Variants in GABRP observed in about 807,000 individuals in gnomAD.
The protein encoded by GABRP is gamma-aminobutyric acid receptor subunit pi.
Under a neutral mutation model 47.8 loss-of-function variants are expected in GABRP, and 52 were observed. The observed-to-expected ratio is 1.09, with a 90% CI of 0.87 to 1.37. GABRP has a LOEUF of 1.37. Ranked by LOEUF, GABRP falls within the 40% of genes most tolerant of loss-of-function variation. GABRP has a pLI of 0.00. For missense variants in GABRP, 525 were observed against 542.8 expected (o/e 0.97, Z 0.33); for synonymous variants, 221 against 205.8 (o/e 1.07, Z -0.63).
At chr5:170,793,100 G>A (rs369405032) in intron 3 of GABRP, among the ~76,000 whole-genome samples, 23 of 152,200 alleles carry the variant, frequency 1.5e-4, no homozygotes, top group African/African-American at 5.3e-4. Context: ...CAGGATGTCC[G>A]GCTAGGCAGG....
intron 6 of GABRP, among the ~76,000 whole-genome samples, chr5:170,798,549 TC>T (rs1165681002): frequency 1.2e-4 from 19 of 152,272 alleles, no homozygotes; most frequent in Middle Eastern, 3.4e-3. Flanking sequence ...ATGCCATCTA[TC>T]TGATTACTAA....
rs146765294 is a variant in GABRP, at chr5:170,789,244, G to T, written c.169G>T (p.Gly57Cys). Residue 57 changes from glycine to cysteine, a missense_variant, in exon 3 of 10, where the codon GGT becomes TGT. Physicochemically the swap from Gly to Cys is radical, Grantham distance 159. Transcript: ENST00000265294. ...GYNKFLRPNF[G>C]GEPVQIALTL... ...TAACAAATTTCTCAGGCCCAATTTT[G>T]GTGGTAGGTCATCCTCTGTGTCCAG... The T allele has an allele frequency of 9.0e-4, 1,434 of 1,600,578 alleles. 3 individuals carry two copies. The highest frequency in any genetic ancestry group is 7.3e-4 in the Non-Finnish European group (857 of 1,167,928).
chr5:170,786,817 G>A (rs1765141317), intron 1 of GABRP, among the ~76,000 whole-genome samples: 1 of 152,088 alleles, frequency 6.6e-6, no homozygotes, highest in South Asian at 2.1e-4. Flanking sequence ...AGTTAAAAAA[G>A]TAAGCCGCAA....
intron 6 of GABRP, among the ~76,000 whole-genome samples, chr5:170,798,791 GT>G (rs1265942233): frequency 1.3e-5 from 2 of 150,804 alleles, no homozygotes; most frequent in Non-Finnish European, 2.9e-5. Flanking sequence ...CATTTTTTTT[GT>G]TTTATATATA....
At chr5:170,809,802 T>G (rs749400280) in intron 9 of GABRP, 47 bp downstream of exon 9, 19 of 1,538,222 alleles carry the variant, frequency 1.2e-5, no homozygotes, top group East Asian at 2.2e-5. Flanking sequence ...TGGTGCCGTG[T>G]GCTGATCTGT....
chr5:170,794,103 G>T, intron 3 of GABRP, 128 bp from the exon 4 acceptor site: 1 of 494,368 alleles, frequency 2.0e-6, no homozygotes, highest in South Asian at 6.3e-5. Flanking sequence ...TATATTTATA[G>T]AATATTTAAA....
Position 170,808,581 on chromosome 5 carries a change from C to CTGT in GABRP, c.680-14_680-12dup. 1 of 1,608,888 alleles carries CTGT rather than the reference C, an allele frequency of 6.2e-7. No individual in the cohort carries two copies. The highest frequency in any genetic ancestry group is 8.5e-7 in the Non-Finnish European group (1 of 1,176,472). On this transcript the variant is annotated intron_variant, in intron 7 of 9. Transcript: ENST00000265294. ...TACACGAACAGACACAATTTCCTAT[C>CTGT]TGTTGTTTACCCTTTCAGGAAATTA...
At chr5:170,801,508 G>C (rs569132320) in intron 6 of GABRP, among the ~76,000 whole-genome samples, 1 of 152,300 alleles carries the variant, frequency 6.6e-6, no homozygotes, top group Admixed American at 6.5e-5. Context: ...ACATATCCCT[G>C]TGCCAGTTCC....
Position 170,794,218 on chromosome 5 carries a change from T to C in GABRP, c.173-13T>C. The C allele has an allele frequency of 6.3e-7, 1 of 1,594,244 alleles. No individual in the cohort carries two copies. Among genetic ancestry groups the C allele is most frequent in the Non-Finnish European group, 8.6e-7 (1 of 1,164,808 alleles). On this transcript the variant is annotated splice_polypyrimidine_tract_variant and intron_variant, in intron 3 of 9. Transcript: ENST00000265294. ...GTTGTGTTTCCATTCTTTCTTGTTTTTTTTTATCTTAGGAGAACCCGTACA... is the reference window on the plus strand; with the variant it reads ...GTTGTGTTTCCATTCTTTCTTGTTTCTTTTTATCTTAGGAGAACCCGTACA...
intron 2 of GABRP, among the ~76,000 whole-genome samples, 166 bp downstream of exon 2, chr5:170,788,834 C>T (rs1190928971): frequency 6.6e-6 from 1 of 152,220 alleles, no homozygotes; most frequent in African/African-American, 2.4e-5. Flanking sequence ...ACTCTATTTA[C>T]AGAACACAAG....
At chr5:170,794,065 T>C (rs1205354630) in intron 3 of GABRP, among the ~76,000 whole-genome samples, 166 bp from the exon 4 acceptor site, 1 of 152,184 alleles carries the variant, frequency 6.6e-6, no homozygotes, top group Non-Finnish European at 1.5e-5. Context: ...TGGTTACTCT[T>C]GAGAGGGGAT....
At chr5:170,788,363 T>TG (rs1765177815) in intron 1 of GABRP, 1 of 388,576 alleles carries the variant, frequency 2.6e-6, no homozygotes, top group African/African-American at 3.1e-5. Flanking sequence ...AAATAAAAAA[T>TG]TAAAAAAAAA....
chr5:170,811,252 T>C (rs561338421), intron 9 of GABRP, among the ~76,000 whole-genome samples: 1 of 150,538 alleles, frequency 6.6e-6, no homozygotes, highest in African/African-American at 2.4e-5. Flanking sequence ...ATATGGTAAC[T>C]CCCATAAGAC....
intron 3 of GABRP, among the ~76,000 whole-genome samples, chr5:170,792,594 A>T (rs1002751279): frequency 1.3e-5 from 2 of 152,142 alleles, no homozygotes; most frequent in African/African-American, 4.8e-5. Context: ...TCAGAGCTGC[A>T]CCTTGCTGCC....
intron 6 of GABRP, among the ~76,000 whole-genome samples, chr5:170,804,383 G>T (rs1207950011): frequency 1.3e-5 from 2 of 152,080 alleles, no homozygotes; most frequent in African/African-American, 4.8e-5. Flanking sequence ...ATACCTAGGA[G>T]TGGAATGCTG....
chr5:170,786,038 A>G (rs1561805165), intron 1 of GABRP, among the ~76,000 whole-genome samples: 1 of 152,088 alleles, frequency 6.6e-6, no homozygotes, highest in Admixed American at 6.5e-5. Context: ...CTCTGCTCCT[A>G]TTAGAGGATG....
At chr5:170,808,542 G>C in intron 7 of GABRP, 58 bp from the exon 8 acceptor site, 30 of 1,513,736 alleles carry the variant, frequency 2.0e-5, no homozygotes, top group Non-Finnish European at 2.7e-5. Flanking sequence ...GCATCCCATA[G>C]AGAAACCACT....
chr5:170,812,532 T>C lies in GABRP; in HGVS notation c.*274T>C, dbSNP rs747981542. 50 of 372,560 alleles carry C rather than the reference T, an allele frequency of 1.3e-4. No individual in the cohort carries two copies. Among genetic ancestry groups the C allele is most frequent in the Non-Finnish European group, 1.9e-4 (38 of 205,312 alleles). 23.1% of individuals were successfully genotyped at this position (372,560 alleles called of 1,614,324 possible). A position where few individuals can be genotyped will look rare whatever the true frequency, so the allele number is the denominator to read the frequency against. On this transcript the variant is annotated 3_prime_UTR_variant, in exon 10 of 10. Transcript: ENST00000265294. ...ATGGAGCCCAAGATTACAAATGTAC[T>C]CAGGGCTGTTTATTCGGTGGCTCCC...
In GABRP at chr5:170,805,676, A is replaced by G. The variant is rs373600124; in HGVS notation, c.542-40A>G. On this transcript the variant is annotated intron_variant, in intron 6 of 9. Coordinates refer to ENST00000265294, the MANE Select transcript of GABRP (RefSeq NM_014211.3). ...TCCAGACCAGACCAGTTCAATCTGG[A>G]ACACCCTTGCACTGACCAGGGCTCC... The G allele has an allele frequency of 5.6e-6, 9 of 1,609,846 alleles. No individual in the cohort carries two copies. In the African/African-American group the frequency reaches 1.2e-4, roughly 22 times the overall value.
Sources: allele counts gnomAD v4.1 joint callset (sites outside exome capture counted in the v4.1 genomes callset), GRCh38; gene constraint gnomAD v4.1.1; transcripts MANE v1.5; gene names NCBI Gene and HGNC (gene_info 2026-07-23, HGNC 2026-07-21).